Variants in ATG2A observed in about 807,000 individuals in gnomAD.
ATG2A encodes the protein autophagy related 2A.
ATG2A carries 103 observed loss-of-function variants against 214.2 expected under a neutral mutation model. That is an observed-to-expected ratio of 0.48 (90% CI 0.41 to 0.57). The LOEUF (loss-of-function observed/expected upper bound fraction) is 0.57, where lower values mean the gene tolerates loss of function less well. Ranked by LOEUF, ATG2A falls within the 20% of genes least tolerant of loss-of-function variation. The pLI is 0.00. For missense variants in ATG2A, 2,312 were observed against 2,613.2 expected (o/e 0.88, Z 2.51); for synonymous variants, 1,160 against 1,142.1 (o/e 1.02, Z -0.32).
chr11:64,913,614 G>T lies in ATG2A; in HGVS notation c.590+207C>A. The T allele has an allele frequency of 2.5e-6, 2 of 807,034 alleles. No individual in the cohort carries two copies. The highest frequency in any genetic ancestry group is 3.8e-6 in the Non-Finnish European group (2 of 525,256). 50.0% of individuals were successfully genotyped at this position (807,034 alleles called of 1,614,324 possible). A position where few individuals can be genotyped will look rare whatever the true frequency, so the allele number is the denominator to read the frequency against. On this transcript the variant is annotated intron_variant, in intron 4 of 40. Coordinates refer to ENST00000377264, the MANE Select transcript of ATG2A (RefSeq NM_015104.3). This position sits in a 1 kb window ranked among gnomAD's most constrained non-coding sequence, Gnocchi z 4.3. ...CTCAGCATCTAACTTGGTTCTTGGG[G>T]CCTCGGCCACTCTGGGCCTGTATCA...
intron 37 of ATG2A, 142 bp from the exon 38 acceptor site, chr11:64,897,011 G>T: frequency 8.6e-7 from 1 of 1,168,990 alleles, no homozygotes; most frequent in Non-Finnish European, 1.2e-6. Flanking sequence ...GTCATGTGCA[G>T]AGGGACTGTG....
rs762433098 is a variant in ATG2A, at chr11:64,902,054, C to G, written c.4027G>C (p.Glu1343Gln). The change falls in exon 29 of 41, where the codon GAG becomes CAG. Residue 1343 changes from glutamate to glutamine, a missense_variant. Physicochemically the swap from Glu to Gln is conservative, Grantham distance 29. Transcript: ENST00000377264. ...TCCTCTTCCCTTTCATCTTCCTTCT[C>G]CTCTGAGCATGACCCTAAGCTGCCA... ...PAGSLGSCSE[E>Q]KEDEREEEGD... 11 of 1,613,942 alleles carry G rather than the reference C, an allele frequency of 6.8e-6. No homozygotes were observed. The African/African-American group carries it at 9.3e-5, about 14-fold the overall frequency.
intron 35 of ATG2A, 29 bp from the exon 36 acceptor site, chr11:64,897,772 C>A: frequency 6.2e-7 from 1 of 1,614,208 alleles, no homozygotes; most frequent in Non-Finnish European, 8.5e-7. Flanking sequence ...AGAGGGGGTT[C>A]TTTGCTCACT....
At chr11:64,916,851 C>T (rs527419535) in intron 1 of ATG2A, 114 bp downstream of exon 1, 1 of 1,448,616 alleles carries the variant, frequency 6.9e-7, no homozygotes, top group Non-Finnish European at 9.3e-7. Flanking sequence ...GCAAGATTCC[C>T]CTGGCCTCTC....
rs4288756 is a variant in ATG2A at position 64,906,469 on chromosome 11, C to A, written c.3048G>T (p.Gln1016His). The A allele has an allele frequency of 1.2e-6, 2 of 1,613,346 alleles. No homozygotes were observed. Among genetic ancestry groups the A allele is most frequent in the Non-Finnish European group, 8.5e-7 (1 of 1,180,004 alleles). The stretch of plus-strand genomic sequence containing the variant: ...CCGATGGGTAGATGGTTGGGGCCAG[C>A]TGAGCCGGGGGAGCGAAACTGGGAA... Reference protein sequence around the residue: ...LDLPSFAPPAQLAPTIYPSEE... With the variant: ...LDLPSFAPPAHLAPTIYPSEE... Residue 1016 changes from glutamine to histidine, a missense_variant, in exon 21 of 41, where the codon CAG becomes CAT. Transcript: ENST00000377264.
rs1944111272 is a variant in ATG2A, at chr11:64,895,316, C to T, written c.5554G>A (p.Ala1852Thr). ...QQPADLREGV[A>T]KAYDTVREGI... is the part of the protein sequence containing the mutation. Reference sequence around the variant, plus strand: ...TCTCGCACTGTGTCGTAGGCCTTGGCCACACCCTCCCGCAGGTCGGCAGGC... The same window carrying T: ...TCTCGCACTGTGTCGTAGGCCTTGGTCACACCCTCCCGCAGGTCGGCAGGC... Residue 1852 changes from alanine to threonine, a missense_variant, in exon 40 of 41, where the codon GCC becomes ACC. Physicochemically the swap from Ala to Thr is moderately conservative, Grantham distance 58 (BLOSUM62 0). Coordinates refer to ENST00000377264, the MANE Select transcript of ATG2A (RefSeq NM_015104.3). This position sits in a 1 kb window ranked among gnomAD's most constrained non-coding sequence, Gnocchi z 5.0. 6.2e-7 allele frequency: 1 copy of T among 1,613,408 alleles called. No homozygotes were observed.
chr11:64,897,938 A>G lies in ATG2A; in HGVS notation c.4895T>C (p.Leu1632Pro), dbSNP rs1944213358. 3.9e-6 allele frequency: 6 copies of G among 1,547,174 alleles called. No homozygotes were observed. The highest frequency in any genetic ancestry group is 1.9e-5 in the Admixed American group (1 of 51,296). The change falls in exon 35 of 41, where the codon CTG (leucine) becomes CCG (proline). Residue 1632 changes from leucine (L) to proline (P), a missense_variant. By Grantham distance (98) the Leu-to-Pro change is moderately conservative. Coordinates refer to ENST00000377264, the MANE Select transcript of ATG2A (RefSeq NM_015104.3). ...PETRAQPSSP[L>P]EGQAEGVETT... Reference sequence around the variant, plus strand: ...CTCTACGCCTTCGGCCTGCCCTTCCAGGGGGCTGCTGGGCTGGGCTCGAGT... The same window carrying G: ...CTCTACGCCTTCGGCCTGCCCTTCCGGGGGGCTGCTGGGCTGGGCTCGAGT...
In ATG2A at chr11:64,913,299, C is replaced by A. The variant is rs1483990922; in HGVS notation, c.693G>T (p.Gly231=). 7 of 1,610,264 alleles carry A rather than the reference C, an allele frequency of 4.3e-6. No homozygotes were observed. In the Admixed American group the frequency reaches 1.2e-4, roughly 27 times the overall value. Residue 231 remains glycine (G), a synonymous_variant, in exon 5 of 41, where the codon GGG becomes GGT. Transcript: ENST00000377264. The surrounding 1 kb of genome is among the most constrained non-coding windows in gnomAD (Gnocchi z 4.3). Reference sequence around the variant, plus strand: ...GGAGCTCCTCGTAGTGCAGGCGGACCCCTGCCAGCTGCAGCAGCTTGTGCA... The same window carrying A: ...GGAGCTCCTCGTAGTGCAGGCGGACACCTGCCAGCTGCAGCAGCTTGTGCA... The part of the protein sequence containing the change: ...AFLHKLLQLA[G]VRLHYEELPA...
At chr11:64,912,851 C>T (rs936905059) in intron 6 of ATG2A, 187 bp downstream of exon 6, 1 of 564,086 alleles carries the variant, frequency 1.8e-6, no homozygotes, top group Non-Finnish European at 3.1e-6. Flanking sequence ...CCTTGGCCTC[C>T]CAAAGTGCTG....
chr11:64,907,463 T>TA, intron 18 of ATG2A, 24 bp from the exon 19 acceptor site: 3 of 1,608,476 alleles, frequency 1.9e-6, no homozygotes, highest in African/African-American at 2.7e-5. Context: ...CGCGAAGGGC[T>TA]AGCCTGGCCC....
At chr11:64,914,565 T>C (rs1258749791) in intron 1 of ATG2A, 65 bp from the exon 2 acceptor site, 1 of 1,567,140 alleles carries the variant, frequency 6.4e-7, no homozygotes, top group Admixed American at 1.8e-5. Flanking sequence ...TGGCACAGCC[T>C]TATCTGGCCA....
intron 39 of ATG2A, 71 bp downstream of exon 39, chr11:64,896,391 C>T (rs1944150723): frequency 8.5e-6 from 13 of 1,523,340 alleles, no homozygotes; most frequent in Non-Finnish European, 1.1e-5. Flanking sequence ...GAGGACAGAA[C>T]CAGGGAGCTG....
At position 64,911,864 on chromosome 11, in the gene ATG2A, G is replaced by A. The variant is rs1479258805; in HGVS notation, c.1206C>T (p.Leu402=). 1.2e-6 allele frequency: 2 copies of A among 1,613,180 alleles called. No individual in the cohort carries two copies. The highest frequency in any genetic ancestry group is 1.1e-5 in the South Asian group (1 of 91,000). Residue 402 remains leucine (L), a synonymous_variant, in exon 9 of 41, where the codon CTC becomes CTT. Transcript: ENST00000377264. ...SVRSDMASRR[L]SAQAHPAGKM... is the part of the protein sequence containing the mutation. ...CACCAGCTGGGTGGGCCTGGGCAGAGAGCCGGCGGGAGGCCATGTCGCTGC... is the reference window on the plus strand; with the variant it reads ...CACCAGCTGGGTGGGCCTGGGCAGAAAGCCGGCGGGAGGCCATGTCGCTGC...
chr11:64,900,579 C>G lies in ATG2A; in HGVS notation c.4379G>C (p.Gly1460Ala), dbSNP rs1342095199. The G allele has an allele frequency of 1.2e-6, 2 of 1,612,962 alleles. No homozygotes were observed. The highest frequency in any genetic ancestry group is 2.2e-5 in the South Asian group (2 of 91,034). ...GPRSSPSRCSGPNRPQNSWRT... is the reference protein window; with the variant it reads ...GPRSSPSRCSAPNRPQNSWRT... ...CCATGAGTTCTGGGGCCGGTTGGGG[C>G]CAGAGCAGCGGGAAGGGGAGCTCCT... The change falls in exon 31 of 41, where the codon GGC becomes GCC. Residue 1460 changes from glycine (G) to alanine (A), a missense_variant. Physicochemically the swap from Gly to Ala is moderately conservative, Grantham distance 60. Coordinates refer to ENST00000377264, the MANE Select transcript of ATG2A (RefSeq NM_015104.3).
chr11:64,899,861 ATT>A (rs749811813), intron 31 of ATG2A, among the ~76,000 whole-genome samples: 21 of 139,356 alleles, frequency 1.5e-4, no homozygotes, highest in East Asian at 6.2e-4. Context: ...AGCTTCCAGC[ATT>A]TTTTTTTTTT....
Position 64,898,300 on chromosome 11 carries a change from G to T in ATG2A, c.4734C>A (p.Leu1578=). 1 of 1,613,206 alleles carries T rather than the reference G, an allele frequency of 6.2e-7. No individual in the cohort carries two copies. The highest frequency in any genetic ancestry group is 8.5e-7 in the Non-Finnish European group (1 of 1,179,690). Residue 1578 remains leucine, a synonymous_variant, in exon 33 of 41, where the codon CTC becomes CTA. Transcript: ENST00000377264. This position sits in a 1 kb window ranked among gnomAD's most constrained non-coding sequence, Gnocchi z 4.5. ...TTNLGGPECC[L]RVSLMPLRLN... ...GCCGCAGGGGCATCAGCGAGACGCG[G>T]AGACAGCACTCAGGCCCACCCAGGT...
At chr11:64,905,988 G>T in intron 22 of ATG2A, 125 bp downstream of exon 22, 1 of 1,395,612 alleles carries the variant, frequency 7.2e-7, no homozygotes. Flanking sequence ...CAGGAGCTCC[G>T]GACAAGGTCA....
intron 1 of ATG2A, among the ~76,000 whole-genome samples, chr11:64,916,060 C>T (rs116021634): frequency 0.043 from 6,580 of 152,282 alleles, 174 homozygotes; most frequent in Middle Eastern, 0.065. Flanking sequence ...TGCCTCCATG[C>T]CCACCCCTGC....
Position 64,898,593 on chromosome 11 carries a change from T to C in ATG2A, c.4671+43A>G. On this transcript the variant is annotated intron_variant, in intron 32 of 40. Coordinates refer to ENST00000377264, the MANE Select transcript of ATG2A (RefSeq NM_015104.3). This position sits in a 1 kb window ranked among gnomAD's most constrained non-coding sequence, Gnocchi z 4.5. ...ATGCGTGAAGATGTATCCCCAACGG[T>C]CTGGTGCCCTGCCCCAGGGTGGATG... 6.3e-7 allele frequency: 1 copy of C among 1,595,808 alleles called. No homozygotes were observed. Among genetic ancestry groups the C allele is most frequent in the South Asian group, 1.1e-5 (1 of 90,710 alleles).
Sources: allele counts gnomAD v4.1 joint callset (sites outside exome capture counted in the v4.1 genomes callset), GRCh38; gene constraint gnomAD v4.1.1; non-coding constraint Gnocchi (gnomAD v3.1); transcripts MANE v1.5; gene names NCBI Gene and HGNC (gene_info 2026-07-23, HGNC 2026-07-21).